ARL15: variants seen among roughly 807,000 people sequenced by gnomAD.
ARL15 encodes ARF like GTPase 15.
Under a neutral mutation model 25.2 loss-of-function variants are expected in ARL15, and 19 were observed. The observed-to-expected ratio is 0.75, with a 90% CI of 0.53 to 1.10. ARL15 has a LOEUF of 1.10. Ranked by LOEUF, ARL15 falls within the 50% of genes least tolerant of loss-of-function variation. ARL15 has a pLI of 0.00. For synonymous variants in ARL15, 94 were observed against 86.8 expected, an observed-to-expected ratio of 1.08 and a Z score of -0.46; for missense variants, 220 against 246.0, an observed-to-expected ratio of 0.89 and a Z score of 0.71.
chr5:53,956,674 A>T (rs72764727), intron 4 of ARL15, among the ~76,000 whole-genome samples: 11,759 of 151,912 alleles, frequency 0.077, 551 homozygotes, highest in East Asian at 0.17. Flanking sequence ...CAATAAAGAG[A>T]CAGAAATTAT....
At chr5:54,203,012 C>G (rs1286150783) in intron 1 of ARL15, among the ~76,000 whole-genome samples, 1 of 152,098 alleles carries the variant, frequency 6.6e-6, no homozygotes, top group Non-Finnish European at 1.5e-5. Flanking sequence ...CATTCTATGC[C>G]ATGATTTCAG....
At chr5:54,172,555 C>A (rs1288489546) in intron 1 of ARL15, among the ~76,000 whole-genome samples, 1 of 151,886 alleles carries the variant, frequency 6.6e-6, no homozygotes, top group Non-Finnish European at 1.5e-5. Context: ...TAAGAAAAAT[C>A]ATTGTTCTGA....
chr5:53,965,117 A>G (rs1747506101), intron 4 of ARL15, among the ~76,000 whole-genome samples: 1 of 152,210 alleles, frequency 6.6e-6, no homozygotes, highest in African/African-American at 2.4e-5. Flanking sequence ...GACTCTAGAG[A>G]GATTCAAACA....
At chr5:54,045,651 C>A (rs1750483603) in intron 4 of ARL15, among the ~76,000 whole-genome samples, 1 of 151,142 alleles carries the variant, frequency 6.6e-6, no homozygotes, top group African/African-American at 2.4e-5. Context: ...GCTGTCTAAT[C>A]TTTAGGTCAT....
intron 1 of ARL15, among the ~76,000 whole-genome samples, chr5:54,224,461 G>C (rs2112539163): frequency 6.6e-6 from 1 of 152,288 alleles, no homozygotes; most frequent in African/African-American, 2.4e-5. Context: ...TTAATCAGTT[G>C]ACTGATTAAT....
intron 4 of ARL15, among the ~76,000 whole-genome samples, chr5:53,949,494 G>A (rs1247888116): frequency 6.6e-6 from 1 of 152,150 alleles, no homozygotes; most frequent in Non-Finnish European, 1.5e-5. Flanking sequence ...CAAATATTAG[G>A]AGATGTAGTT....
At chr5:53,983,559 A>G (rs1369725021) in intron 4 of ARL15, among the ~76,000 whole-genome samples, 1 of 152,224 alleles carries the variant, frequency 6.6e-6, no homozygotes, top group Non-Finnish European at 1.5e-5. Context: ...CTGTTTCCCT[A>G]TAACTGTTGC....
chr5:54,071,169 C>CAA (rs71598898), intron 4 of ARL15, among the ~76,000 whole-genome samples: 5 of 137,810 alleles, frequency 3.6e-5, no homozygotes, highest in South Asian at 2.3e-4. Context: ...GACCCTGTCT[C>CAA]AAAAAAAAAA....
intron 4 of ARL15, among the ~76,000 whole-genome samples, chr5:54,057,549 C>A (rs895330768): frequency 1.3e-5 from 2 of 152,122 alleles, no homozygotes; most frequent in East Asian, 3.9e-4. Context: ...TGTATAGCAC[C>A]ATTTAAAGCA....
chr5:54,262,276 A>G (rs2112624515), intron 1 of ARL15, among the ~76,000 whole-genome samples: 1 of 152,328 alleles, frequency 6.6e-6, no homozygotes, highest in East Asian at 1.9e-4. Context: ...CTGGACTCTT[A>G]AGAAGCAGAA....
chr5:54,084,174 C>T (rs1237310136), intron 4 of ARL15, among the ~76,000 whole-genome samples: 1 of 152,130 alleles, frequency 6.6e-6, no homozygotes, highest in Non-Finnish European at 1.5e-5. Context: ...TGCTCTTGTA[C>T]AATTAGCCTT....
At chr5:54,094,335 A>T (rs1227465224) in intron 4 of ARL15, among the ~76,000 whole-genome samples, 2 of 152,136 alleles carry the variant, frequency 1.3e-5, no homozygotes, top group Non-Finnish European at 2.9e-5. Flanking sequence ...TCCTGTCAGA[A>T]GTACATGAAT....
intron 4 of ARL15, among the ~76,000 whole-genome samples, chr5:54,021,019 A>G (rs191165609): frequency 5.3e-5 from 8 of 152,094 alleles, no homozygotes; most frequent in Non-Finnish European, 4.4e-5. Context: ...TTTTCTGACA[A>G]GGATTTAAAA....
At chr5:53,908,090 T>C (rs1745331189) in intron 4 of ARL15, among the ~76,000 whole-genome samples, 1 of 152,216 alleles carries the variant, frequency 6.6e-6, no homozygotes, top group Non-Finnish European at 1.5e-5. Flanking sequence ...TTTTCCTTGC[T>C]ACCATATAAA....
chr5:54,007,658 T>G (rs1749089597), intron 4 of ARL15, among the ~76,000 whole-genome samples: 2 of 152,206 alleles, frequency 1.3e-5, no homozygotes, highest in East Asian at 3.9e-4. Context: ...ATAAAAAAAC[T>G]TGGCCAGTTT....
chr5:53,942,212 G>C (rs1490708601), intron 4 of ARL15, among the ~76,000 whole-genome samples: 1 of 152,054 alleles, frequency 6.6e-6, no homozygotes, highest in East Asian at 1.9e-4. Flanking sequence ...TGTGGGGTGG[G>C]TGGGGAAGAG....
At chr5:54,265,897 G>A (rs992842239) in intron 1 of ARL15, among the ~76,000 whole-genome samples, 2 of 152,130 alleles carry the variant, frequency 1.3e-5, no homozygotes, top group Non-Finnish European at 2.9e-5. Context: ...ATTAAGCCTC[G>A]TTTAACCTCC....
chr5:54,021,341 A>G (rs1233336937), intron 4 of ARL15, among the ~76,000 whole-genome samples: 2 of 152,248 alleles, frequency 1.3e-5, no homozygotes, highest in Non-Finnish European at 2.9e-5. Context: ...ATTTCAAAAA[A>G]CATAAACAAA....
chr5:53,940,175 G>T (rs148149675), intron 4 of ARL15, among the ~76,000 whole-genome samples: 1 of 152,074 alleles, frequency 6.6e-6, no homozygotes. Flanking sequence ...GGGTTTCACC[G>T]TGTTAGCCAG....
Sources: gnomAD v4.1 joint callset for allele counts (sites outside exome capture counted in the v4.1 genomes callset) on GRCh38, gnomAD v4.1.1 for gene constraint, MANE v1.5 for transcripts, NCBI Gene and HGNC (gene_info 2026-07-23, HGNC 2026-07-21) for gene names.